The following ZNF385D variants were observed in gnomAD, a reference collection of about 807,000 sequenced individuals.
ZNF385D encodes zinc finger protein 385D.
Under a neutral mutation model 35.8 loss-of-function variants are expected in ZNF385D, and 15 were observed. The ratio of observed to expected loss-of-function variants is 0.42; its 90% CI spans 0.28 to 0.64. ZNF385D has a LOEUF of 0.64. Among genes scored for constraint, ZNF385D ranks in the 30% least tolerant of loss-of-function variants. ZNF385D has a pLI of 0.23. For missense variants in ZNF385D, 474 were observed against 494.6 expected (o/e 0.96, Z 0.39); for synonymous variants, 212 against 186.8 (o/e 1.13, Z -1.10).
chr3:21,532,456 A>G (rs894334827), intron 3 of ZNF385D, among the ~76,000 whole-genome samples: 14 of 152,306 alleles, frequency 9.2e-5, no homozygotes, highest in African/African-American at 3.4e-4. Flanking sequence ...TCAATATCAC[A>G]ATTAGCTGAA....
At chr3:21,767,910 C>A (rs532812565) in intron 3 of ZNF385D, among the ~76,000 whole-genome samples, 2 of 152,038 alleles carry the variant, frequency 1.3e-5, no homozygotes, top group African/African-American at 4.8e-5. Flanking sequence ...ATAGCATATC[C>A]AAATGATGTA....
intron 3 of ZNF385D, among the ~76,000 whole-genome samples, chr3:21,910,155 C>T (rs574448958): frequency 6.6e-6 from 1 of 151,872 alleles, no homozygotes; most frequent in South Asian, 2.1e-4. Context: ...CCTACTTCAC[C>T]TCCATGATAG....
At chr3:21,672,153 C>T (rs2066595506) in intron 1 of ZNF385D, among the ~76,000 whole-genome samples, 1 of 152,144 alleles carries the variant, frequency 6.6e-6, no homozygotes, top group South Asian at 2.1e-4. Flanking sequence ...CCATCCAGTT[C>T]CCATCTCTGT....
At chr3:21,917,836 G>T (rs1452514224) in intron 3 of ZNF385D, among the ~76,000 whole-genome samples, 1 of 152,052 alleles carries the variant, frequency 6.6e-6, no homozygotes, top group Non-Finnish European at 1.5e-5. Context: ...TATATCCATT[G>T]GTGTATGTTC....
intron 3 of ZNF385D, among the ~76,000 whole-genome samples, chr3:21,881,627 A>G (rs259553): frequency 0.45 from 67,870 of 151,818 alleles, 15,290 homozygotes; most frequent in Middle Eastern, 0.55. Context: ...CCCATGAATC[A>G]AGGAGTAATT....
intron 2 of ZNF385D, among the ~76,000 whole-genome samples, chr3:21,571,713 C>T (rs1161293336): frequency 6.6e-6 from 1 of 152,144 alleles, no homozygotes; most frequent in African/African-American, 2.4e-5. Flanking sequence ...TTGGGGCTCC[C>T]ATGCCCCCAA....
intron 4 of ZNF385D, among the ~76,000 whole-genome samples, chr3:21,459,885 C>T (rs536813550): frequency 6.7e-6 from 1 of 148,644 alleles, no homozygotes; most frequent in East Asian, 1.9e-4. Context: ...CAGCCCTCTA[C>T]TCTCCAAGTC....
At chr3:22,143,239 C>T (rs565727095) in intron 3 of ZNF385D, among the ~76,000 whole-genome samples, 13 of 152,108 alleles carry the variant, frequency 8.5e-5, no homozygotes, top group East Asian at 1.9e-4. Context: ...CCCACCACCA[C>T]GCCTGGCTAA....
intron 3 of ZNF385D, among the ~76,000 whole-genome samples, chr3:22,092,761 C>T (rs1391295438): frequency 2.0e-5 from 3 of 152,014 alleles, no homozygotes; most frequent in South Asian, 4.2e-4. Context: ...TAACCTTAAC[C>T]TGATGTTTAT....
At chr3:21,553,381 A>G (rs1176864480) in intron 3 of ZNF385D, among the ~76,000 whole-genome samples, 1 of 152,234 alleles carries the variant, frequency 6.6e-6, no homozygotes, top group African/African-American at 2.4e-5. Context: ...TAACTGTGCA[A>G]TAATATTATG....
intron 3 of ZNF385D, among the ~76,000 whole-genome samples, chr3:21,859,900 G>A (rs1679236): frequency 0.87 from 132,452 of 151,984 alleles, 58,181 homozygotes; most frequent in South Asian, 0.93. Context: ...TATGTATGCC[G>A]TAACTTCCCC....
At chr3:21,716,469 G>T (rs2068322819) in intron 1 of ZNF385D, among the ~76,000 whole-genome samples, 1 of 151,962 alleles carries the variant, frequency 6.6e-6, no homozygotes, top group African/African-American at 2.4e-5. Context: ...ACCCATGCTG[G>T]CCTCTGTATT....
At chr3:22,110,351 C>T (rs905437347) in intron 3 of ZNF385D, among the ~76,000 whole-genome samples, 21 of 151,590 alleles carry the variant, frequency 1.4e-4, no homozygotes, top group East Asian at 9.7e-4. Context: ...ATGTTTATTG[C>T]GGCACTATTC....
chr3:21,818,892 C>A (rs891224098), intron 3 of ZNF385D, among the ~76,000 whole-genome samples: 1 of 151,888 alleles, frequency 6.6e-6, no homozygotes, highest in South Asian at 2.1e-4. Flanking sequence ...AGCAAAGAAA[C>A]TGAGAAACAC....
rs2125617257 is a variant in ZNF385D at position 22,097,818 on chromosome 3, A to G, written c.325+70999T>C. Among the ~76,000 whole-genome samples the G allele has an allele frequency of 2.0e-5, 3 of 152,138 alleles. 1 individual carries two copies. The South Asian group carries it at 6.2e-4, about 32-fold the overall frequency. ...CTAGGAACCACATTTCTGTCTAGAT[A>G]CCCCTTAAATGTCAGGACTTTGATA... On this transcript the variant is annotated intron_variant, in intron 3 of 5. Transcript: ENST00000494108.
chr3:22,344,277 T>G (rs1470697169), intron 2 of ZNF385D, among the ~76,000 whole-genome samples: 8 of 151,980 alleles, frequency 5.3e-5, no homozygotes. Context: ...GGATAAAATT[T>G]CATCTCTACT....
At chr3:21,562,082 C>CA (rs1321235672) in intron 3 of ZNF385D, 1 of 152,104 alleles carries the variant, frequency 6.6e-6, no homozygotes, top group African/African-American at 2.4e-5. Flanking sequence ...CCTTTTACGA[C>CA]ATGCCACACA....
chr3:21,595,609 A>C (rs2064107829), intron 2 of ZNF385D, among the ~76,000 whole-genome samples: 1 of 152,016 alleles, frequency 6.6e-6, no homozygotes, highest in Non-Finnish European at 1.5e-5. Flanking sequence ...ATTGGAATGG[A>C]TTGATACTTA....
At chr3:21,884,660 A>G (rs1319909425) in intron 3 of ZNF385D, among the ~76,000 whole-genome samples, 1 of 151,992 alleles carries the variant, frequency 6.6e-6, no homozygotes, top group Non-Finnish European at 1.5e-5. Context: ...TTTTACTATC[A>G]TCTGTTCTCT....
Sources: allele counts gnomAD v4.1 joint callset (sites outside exome capture counted in the v4.1 genomes callset), GRCh38; gene constraint gnomAD v4.1.1; transcripts MANE v1.5; gene names NCBI Gene and HGNC (gene_info 2026-07-23, HGNC 2026-07-21).